The following TMEM131 variants were observed in gnomAD, a reference collection of about 807,000 sequenced individuals.
TMEM131 encodes the protein 2610524E03Rik.
Under a neutral mutation model 211.6 loss-of-function variants are expected in TMEM131, and 66 were observed. The observed-to-expected ratio is 0.31, with a 90% CI of 0.26 to 0.38. TMEM131 has a LOEUF of 0.38. Among genes scored for constraint, TMEM131 ranks in the 10% least tolerant of loss-of-function variants. The pLI is 1.00. For synonymous variants in TMEM131, 844 were observed against 841.3 expected (o/e 1.00, Z -0.06); for missense variants, 2,036 against 2,299.3 (o/e 0.89, Z 2.34).
At chr2:97,992,745 A>G (rs1040512002) in intron 1 of TMEM131, among the ~76,000 whole-genome samples, 2 of 152,196 alleles carry the variant, frequency 1.3e-5, no homozygotes, top group Admixed American at 1.3e-4. Context: ...TTTTCACTAT[A>G]TATTTTAAAA....
At chr2:97,761,023 C>A in intron 36 of TMEM131, 109 bp from the exon 37 acceptor site, 1 of 1,453,470 alleles carries the variant, frequency 6.9e-7, no homozygotes, top group Non-Finnish European at 9.4e-7. Context: ...TGCAGCGGGG[C>A]AGCTCACAGA....
At chr2:97,874,076 T>C (rs537387081) in intron 4 of TMEM131, among the ~76,000 whole-genome samples, 3 of 152,304 alleles carry the variant, frequency 2.0e-5, no homozygotes, top group Non-Finnish European at 4.4e-5. Flanking sequence ...TTGTGAAGCA[T>C]ACACAAGTTT....
At chr2:97,870,215 G>A (rs1022452431) in intron 4 of TMEM131, among the ~76,000 whole-genome samples, 2 of 152,118 alleles carry the variant, frequency 1.3e-5, no homozygotes, top group Admixed American at 1.3e-4. Context: ...ATCCTCTATA[G>A]CAACACCTAG....
chr2:97,860,294 C>A (rs1364289051), intron 4 of TMEM131, among the ~76,000 whole-genome samples: 3 of 152,174 alleles, frequency 2.0e-5, no homozygotes, highest in African/African-American at 4.8e-5. Flanking sequence ...AGGCTAGTTC[C>A]ATGGGCAAGT....
At chr2:97,949,817 CAAAAAA>C (rs386390704) in intron 1 of TMEM131, among the ~76,000 whole-genome samples, 1 of 66,980 alleles carries the variant, frequency 1.5e-5, no homozygotes, top group Non-Finnish European at 2.7e-5. Context: ...GAGACTGTCT[CAAAAAA>C]AAAAAAAAAA....
At chr2:97,759,341 CAAG>C (rs1678687726) in intron 39 of TMEM131, 2 of 533,568 alleles carry the variant, frequency 3.7e-6, no homozygotes. Context: ...TTCTGGACAG[CAAG>C]AAGAGGACCC....
chr2:97,866,013 G>T (rs1335546770), intron 4 of TMEM131, among the ~76,000 whole-genome samples: 3 of 137,320 alleles, frequency 2.2e-5, no homozygotes, highest in Admixed American at 7.1e-5. Context: ...CTCCCGAGTA[G>T]CTGGGACTAC....
At chr2:97,886,884 A>T (rs1301553662) in intron 4 of TMEM131, among the ~76,000 whole-genome samples, 1 of 152,256 alleles carries the variant, frequency 6.6e-6, no homozygotes, top group Non-Finnish European at 1.5e-5. Flanking sequence ...CTTTTGACTC[A>T]GCAAGATGAA....
intron 1 of TMEM131, among the ~76,000 whole-genome samples, chr2:97,934,426 A>T (rs1189505079): frequency 6.6e-6 from 1 of 152,200 alleles, no homozygotes; most frequent in Non-Finnish European, 1.5e-5. Flanking sequence ...AAGACTCAAA[A>T]TGTAAAGATG....
intron 7 of TMEM131, among the ~76,000 whole-genome samples, chr2:97,837,625 A>C (rs1682997655): frequency 6.6e-6 from 1 of 152,258 alleles, no homozygotes; most frequent in South Asian, 2.1e-4. Flanking sequence ...AGATATATAC[A>C]AAATAACTCT....
chr2:97,800,387 T>G (rs717417), intron 25 of TMEM131, among the ~76,000 whole-genome samples: 40,798 of 151,916 alleles, frequency 0.27, 7,671 homozygotes, highest in Non-Finnish European at 0.39. Flanking sequence ...AAATATGGCT[T>G]GTAGTTAATA....
At chr2:97,988,038 C>T (rs1395173055) in intron 1 of TMEM131, among the ~76,000 whole-genome samples, 7 of 152,208 alleles carry the variant, frequency 4.6e-5, no homozygotes, top group Non-Finnish European at 8.8e-5. Flanking sequence ...AGAGGTCTCA[C>T]ATTTCCTTAT....
At chr2:97,838,854 T>C (rs1355903322) in intron 7 of TMEM131, among the ~76,000 whole-genome samples, 1 of 152,206 alleles carries the variant, frequency 6.6e-6, no homozygotes, top group Non-Finnish European at 1.5e-5. Context: ...CTTTGTATAT[T>C]ATTACTTGCC....
At chr2:97,889,226 T>C (rs1371948348) in intron 3 of TMEM131, among the ~76,000 whole-genome samples, 1 of 152,190 alleles carries the variant, frequency 6.6e-6, no homozygotes, top group Non-Finnish European at 1.5e-5. Context: ...TCCCTCTGCA[T>C]ATGTTGAACA....
intron 5 of TMEM131, among the ~76,000 whole-genome samples, chr2:97,846,168 G>A (rs144907452): frequency 5.9e-5 from 9 of 152,274 alleles, no homozygotes; most frequent in South Asian, 2.1e-4. Context: ...TAATACCTAC[G>A]TTACATAAAC....
At chr2:97,841,671 G>C in intron 7 of TMEM131, 144 bp downstream of exon 7, 1 of 790,382 alleles carries the variant, frequency 1.3e-6, no homozygotes, top group East Asian at 3.4e-5. Context: ...GCAGCAAGCT[G>C]TACTAAAAGT....
intron 11 of TMEM131, among the ~76,000 whole-genome samples, chr2:97,819,914 T>A (rs570857739): frequency 6.6e-6 from 1 of 152,350 alleles, no homozygotes; most frequent in African/African-American, 2.4e-5. Context: ...AAGGGCAGTC[T>A]CTTGAAGGTG....
intron 38 of TMEM131, chr2:97,760,165 C>T: frequency 7.5e-6 from 2 of 264,958 alleles, no homozygotes; most frequent in Non-Finnish European, 1.5e-5. Context: ...CACCACACCC[C>T]CTGCATGATA....
At chr2:97,976,086 T>C (rs536588467) in intron 1 of TMEM131, among the ~76,000 whole-genome samples, 78 of 152,254 alleles carry the variant, frequency 5.1e-4, no homozygotes, top group African/African-American at 1.7e-3. Context: ...GAAAAACCTA[T>C]GGCTAACAGC....
Sources: gnomAD v4.1 joint callset for allele counts (sites outside exome capture counted in the v4.1 genomes callset) on GRCh38, gnomAD v4.1.1 for gene constraint, MANE v1.5 for transcripts, NCBI Gene and HGNC (gene_info 2026-07-23, HGNC 2026-07-21) for gene names.